Variants in ERBB4 observed in about 807,000 individuals in gnomAD.
ERBB4 encodes the protein receptor tyrosine-protein kinase erbB-4.
ERBB4 carries 42 observed loss-of-function variants against 158.0 expected under a neutral mutation model. The ratio of observed to expected loss-of-function variants is 0.27; its 90% CI spans 0.21 to 0.34. The LOEUF (loss-of-function observed/expected upper bound fraction) is 0.34. Among genes scored for constraint, ERBB4 ranks in the 10% least tolerant of loss-of-function variants. ERBB4 has a pLI of 1.00. For synonymous variants in ERBB4, 583 were observed against 558.7 expected (o/e 1.04, Z -0.61); for missense variants, 1,333 against 1,624.1 (o/e 0.82, Z 3.08).
At chr2:212,061,328 C>A (rs373566703) in intron 2 of ERBB4, among the ~76,000 whole-genome samples, 2 of 151,564 alleles carry the variant, frequency 1.3e-5, no homozygotes, top group African/African-American at 4.9e-5. Context: ...TGGTTCGTGA[C>A]TGTAATCCCA....
intron 1 of ERBB4, among the ~76,000 whole-genome samples, chr2:212,378,179 T>C (rs2090388084): frequency 6.6e-6 from 1 of 151,866 alleles, no homozygotes; most frequent in South Asian, 2.1e-4. Context: ...ATTATGGGAC[T>C]ACCGTCATTA....
chr2:211,490,925 G>C (rs2065325682), intron 20 of ERBB4, among the ~76,000 whole-genome samples: 1 of 152,070 alleles, frequency 6.6e-6, no homozygotes, highest in Non-Finnish European at 1.5e-5. Context: ...ACATGAAACT[G>C]TGTGATGTTT....
At chr2:212,387,559 G>C (rs543927578) in intron 1 of ERBB4, among the ~76,000 whole-genome samples, 2 of 151,030 alleles carry the variant, frequency 1.3e-5, no homozygotes, top group Non-Finnish European at 1.5e-5. Context: ...CTGGGATTAC[G>C]GGCACACACC....
chr2:212,534,476 C>G (rs563926500), intron 1 of ERBB4, among the ~76,000 whole-genome samples: 1 of 152,192 alleles, frequency 6.6e-6, no homozygotes. Context: ...GGATCGATGC[C>G]TTTTTATTTT....
chr2:211,445,772 G>A (rs1049495208), intron 20 of ERBB4, among the ~76,000 whole-genome samples: 1 of 152,100 alleles, frequency 6.6e-6, no homozygotes, highest in Admixed American at 6.6e-5. Flanking sequence ...TGAATACATA[G>A]GCTGTCACTT....
chr2:212,237,119 T>C (rs772242956), intron 1 of ERBB4, among the ~76,000 whole-genome samples: 81 of 152,198 alleles, frequency 5.3e-4, no homozygotes, highest in Non-Finnish European at 8.5e-4. Flanking sequence ...GCTATAAATT[T>C]CCTTCTAAAC....
chr2:211,678,526 A>G (rs1559409417), intron 13 of ERBB4, among the ~76,000 whole-genome samples: 1 of 152,218 alleles, frequency 6.6e-6, no homozygotes, highest in African/African-American at 2.4e-5. Context: ...AAAAATGCAT[A>G]CAATAGTAAA....
rs1465977126 is a variant in ERBB4 at position 212,117,301 on chromosome 2, G to C, written c.234+7451C>G. Reference sequence around the variant, plus strand: ...TGAAATTAAAACAGAAAGAATTAAAGAAAAAGTTCCATCACCATCTCTTTT... The same window carrying C: ...TGAAATTAAAACAGAAAGAATTAAACAAAAAGTTCCATCACCATCTCTTTT... On this transcript the variant is annotated intron_variant, in intron 2 of 27. Coordinates refer to ENST00000342788, the MANE Select transcript of ERBB4 (RefSeq NM_005235.3). Among the ~76,000 whole-genome samples the C allele has an allele frequency of 3.3e-5, 5 of 152,088 alleles. No individual in the cohort carries two copies. In the East Asian group the frequency reaches 9.6e-4, roughly 29 times the overall value.
In ERBB4 at chr2:211,389,934, C is replaced by A. The variant is rs148928995; in HGVS notation, c.3136-1942G>T. Among the ~76,000 whole-genome samples, 116 of 152,308 alleles carry A rather than the reference C, an allele frequency of 7.6e-4. 2 individuals carry two copies. The East Asian group carries it at 0.021, about 27-fold the overall frequency. ...AAATAAAGCAATCAGGATGCCAAAG[C>A]TACTCATCAGAGGCATTTTAAAATG... On this transcript the variant is annotated intron_variant, in intron 25 of 27. Coordinates refer to ENST00000342788, the MANE Select transcript of ERBB4 (RefSeq NM_005235.3).
chr2:212,371,341 C>G (rs1159500650), intron 1 of ERBB4, among the ~76,000 whole-genome samples: 1 of 152,202 alleles, frequency 6.6e-6, no homozygotes, highest in East Asian at 1.9e-4. Flanking sequence ...TCTGACAATA[C>G]TCTATCTAAA....
At chr2:212,354,339 T>C (rs558234559) in intron 1 of ERBB4, among the ~76,000 whole-genome samples, 1 of 152,190 alleles carries the variant, frequency 6.6e-6, no homozygotes, top group African/African-American at 2.4e-5. Context: ...TGAGGTGCTT[T>C]GCAATTATTA....
chr2:211,633,796 A>G (rs933726040), intron 16 of ERBB4, among the ~76,000 whole-genome samples: 19 of 151,606 alleles, frequency 1.3e-4, no homozygotes, highest in African/African-American at 3.9e-4. Context: ...TAAGCAAAAG[A>G]AAGATTTTGA....
intron 2 of ERBB4, among the ~76,000 whole-genome samples, chr2:212,038,012 T>C (rs543010523): frequency 2.0e-5 from 3 of 152,286 alleles, no homozygotes; most frequent in South Asian, 2.1e-4. Context: ...TCTTTAATCA[T>C]GTATTTATTT....
chr2:211,687,755 G>T (rs2072624553), intron 12 of ERBB4, among the ~76,000 whole-genome samples: 1 of 152,084 alleles, frequency 6.6e-6, no homozygotes, highest in Admixed American at 6.5e-5. Flanking sequence ...GCAGCAAAAA[G>T]AAAACTCAGA....
chr2:212,338,594 T>C (rs936496785), intron 1 of ERBB4, among the ~76,000 whole-genome samples: 4 of 152,140 alleles, frequency 2.6e-5, no homozygotes, highest in African/African-American at 9.7e-5. Flanking sequence ...AGAAAAGAGA[T>C]ACGCACTAAA....
intron 12 of ERBB4, among the ~76,000 whole-genome samples, chr2:211,681,720 A>T (rs2072341269): frequency 6.6e-6 from 1 of 152,124 alleles, no homozygotes; most frequent in African/African-American, 2.4e-5. Flanking sequence ...GTTTCTTATT[A>T]ATGAGTATTG....
intron 2 of ERBB4, among the ~76,000 whole-genome samples, chr2:212,115,436 T>G (rs2079543624): frequency 6.6e-6 from 1 of 152,154 alleles, no homozygotes; most frequent in African/African-American, 2.4e-5. Context: ...GAAAAAAAGG[T>G]ATTGATTATA....
intron 1 of ERBB4, among the ~76,000 whole-genome samples, chr2:212,133,417 G>GT (rs1234790979): frequency 7.4e-6 from 1 of 135,508 alleles, no homozygotes; most frequent in Admixed American, 7.1e-5. Flanking sequence ...GTTTTGTTTT[G>GT]TTTTTGTTTT....
At position 211,702,211 on chromosome 2, in the gene ERBB4, G is replaced by T. The variant is rs541570912; in HGVS notation, c.1290-45C>A. 1.9e-5 allele frequency: 27 copies of T among 1,423,854 alleles called. No homozygotes were observed. In the Admixed American group the frequency reaches 3.0e-4, roughly 16 times the overall value. The allele number at this position is 1,423,854 out of a possible 1,614,324, so 88.2% of individuals were successfully genotyped here. ...AAAACGGAACCATGAAACGCATTCC[G>T]GAGTAAAATAAGGCTGTCACATTTT... On this transcript the variant is annotated intron_variant, in intron 11 of 27. Coordinates refer to ENST00000342788, the MANE Select transcript of ERBB4 (RefSeq NM_005235.3).
Sources: gnomAD v4.1 joint callset for allele counts (sites outside exome capture counted in the v4.1 genomes callset) on GRCh38, gnomAD v4.1.1 for gene constraint, MANE v1.5 for transcripts, NCBI Gene and HGNC (gene_info 2026-07-23, HGNC 2026-07-21) for gene names.